Variants in PACS1 observed in about 807,000 individuals in gnomAD.
PACS1 encodes the protein PACS-1.
A neutral mutation model predicts 115.0 loss-of-function variants in PACS1; 24 were observed. That is an observed-to-expected ratio of 0.21 (90% CI 0.15 to 0.29). PACS1 has a LOEUF of 0.29. Ranked by LOEUF, PACS1 falls within the 10% of genes least tolerant of loss-of-function variation. The pLI is 1.00. For missense variants in PACS1, 838 were observed against 1,251.2 expected (o/e 0.67, Z 4.98); for synonymous variants, 453 against 504.5 (o/e 0.90, Z 1.37).
chr11:66,090,005 C>CAAAAAAAAA (rs33912143), intron 1 of PACS1, among the ~76,000 whole-genome samples: 19 of 80,494 alleles, frequency 2.4e-4, no homozygotes, highest in African/African-American at 4.6e-4. Context: ...GACTCCATCT[C>CAAAAAAAAA]AAAAAAAAAA....
chr11:66,070,597 G>C lies in PACS1; in HGVS notation c.111G>C (p.Gln37His). Residue 37 changes from glutamine (Q) to histidine (H), a missense_variant, in exon 1 of 24, where the codon CAG becomes CAC. Transcript: ENST00000320580. The surrounding 1 kb of genome is among the most constrained non-coding windows in gnomAD (Gnocchi z 5.9). ...CTCAGCAGCCGCCGCCGCAGCAGCA[G>C]CAGCAGCAGCCGCCGCAGCAGCCGA... ...QSPQQPPPQQ[Q>H]QQQPPQQPTP... 5 of 1,515,110 alleles carry C rather than the reference G, an allele frequency of 3.3e-6. No homozygotes were observed. The highest frequency in any genetic ancestry group is 4.4e-6 in the Non-Finnish European group (5 of 1,140,234). 93.9% of individuals were successfully genotyped at this position (1,515,110 alleles called of 1,614,324 possible).
intron 4 of PACS1, among the ~76,000 whole-genome samples, chr11:66,215,345 G>A (rs890250031): frequency 1.3e-5 from 2 of 149,810 alleles, no homozygotes; most frequent in Non-Finnish European, 3.0e-5. Context: ...GCTCACGCCT[G>A]TAATCCCAGC....
At chr11:66,104,068 C>T (rs746794289) in intron 1 of PACS1, among the ~76,000 whole-genome samples, 3 of 152,008 alleles carry the variant, frequency 2.0e-5, no homozygotes, top group Non-Finnish European at 4.4e-5. Flanking sequence ...CATTATCTCT[C>T]CTAAAATAAT....
At chr11:66,243,106 G>A in intron 23 of PACS1, 59 bp from the exon 24 acceptor site, 1 of 1,611,382 alleles carries the variant, frequency 6.2e-7, no homozygotes, top group Non-Finnish European at 8.5e-7. Context: ...CCTTTCCCAA[G>A]GGGCCCTGGG....
In PACS1 at chr11:66,243,314, C is replaced by A; in HGVS notation, c.*34C>A. ...CTCCCAGCCACTTTCCCTCCTGGCA[C>A]TGCCACCAGCCTCACCGCCTGCGGG... On this transcript the variant is annotated 3_prime_UTR_variant, in exon 24 of 24. Coordinates refer to ENST00000320580, the MANE Select transcript of PACS1 (RefSeq NM_018026.4). 7.0e-7 allele frequency: 1 copy of A among 1,428,146 alleles called. No individual in the cohort carries two copies. The highest frequency in any genetic ancestry group is 9.6e-7 in the Non-Finnish European group (1 of 1,037,490). 88.5% of individuals were successfully genotyped at this position (1,428,146 alleles called of 1,614,324 possible).
At chr11:66,214,172 T>C (rs1855144154) in intron 4 of PACS1, among the ~76,000 whole-genome samples, 2 of 152,148 alleles carry the variant, frequency 1.3e-5, no homozygotes, top group African/African-American at 4.8e-5. Context: ...TTTAAAATTA[T>C]TTCTGTACTT....
At chr11:66,120,375 G>C (rs1246599161) in intron 1 of PACS1, among the ~76,000 whole-genome samples, 1 of 152,096 alleles carries the variant, frequency 6.6e-6, no homozygotes, top group Non-Finnish European at 1.5e-5. Flanking sequence ...AGGGTTACAG[G>C]CGTGAGCCAC....
intron 2 of PACS1, among the ~76,000 whole-genome samples, chr11:66,200,313 T>C (rs1436584480): frequency 2.6e-5 from 4 of 152,142 alleles, no homozygotes; most frequent in African/African-American, 7.2e-5. Context: ...ATTGTGCCAG[T>C]ACACTCCACC....
At chr11:66,157,888 C>T (rs1859397289) in intron 1 of PACS1, among the ~76,000 whole-genome samples, 2 of 151,586 alleles carry the variant, frequency 1.3e-5, no homozygotes, top group Non-Finnish European at 2.9e-5. Flanking sequence ...ATTTCCTTAT[C>T]CCATCACATG....
At chr11:66,202,026 G>A (rs893498315) in intron 2 of PACS1, among the ~76,000 whole-genome samples, 1 of 151,982 alleles carries the variant, frequency 6.6e-6, no homozygotes, top group African/African-American at 2.4e-5. Flanking sequence ...AAAGAGAGAA[G>A]ACACAAATAA....
chr11:66,086,473 T>C (rs1454335528), intron 1 of PACS1, among the ~76,000 whole-genome samples: 1 of 152,140 alleles, frequency 6.6e-6, no homozygotes, highest in Admixed American at 6.5e-5. Flanking sequence ...GAGATAGTTA[T>C]AAACTGCTTT....
intron 1 of PACS1, among the ~76,000 whole-genome samples, chr11:66,145,855 G>A (rs1859109733): frequency 6.6e-6 from 1 of 151,878 alleles, no homozygotes; most frequent in African/African-American, 2.4e-5. Context: ...CAGCAAGTCA[G>A]GCTTAAAAAT....
At chr11:66,215,373 C>G (rs1198315110) in intron 4 of PACS1, among the ~76,000 whole-genome samples, 8 of 151,904 alleles carry the variant, frequency 5.3e-5, no homozygotes. Flanking sequence ...GAGGCCAAGG[C>G]AGGAGGATTG....
At chr11:66,099,203 C>T (rs1004728102) in intron 1 of PACS1, among the ~76,000 whole-genome samples, 7 of 151,792 alleles carry the variant, frequency 4.6e-5, no homozygotes, top group African/African-American at 1.2e-4. Context: ...GACACCACAC[C>T]GGGCTAATAG....
intron 1 of PACS1, among the ~76,000 whole-genome samples, chr11:66,187,367 A>G (rs191539666): frequency 4.0e-4 from 61 of 152,238 alleles, no homozygotes; most frequent in Non-Finnish European, 4.0e-4. Context: ...TAATATTATT[A>G]TTAACTGTAG....
intron 1 of PACS1, among the ~76,000 whole-genome samples, chr11:66,154,831 G>C (rs1356202421): frequency 1.3e-5 from 2 of 152,114 alleles, no homozygotes; most frequent in African/African-American, 4.8e-5. Context: ...TTGAAAAGCT[G>C]GTTCTAGAAT....
In PACS1 at chr11:66,208,682, AAAAG is replaced by A. The variant is rs1344914404; in HGVS notation, c.445-1671_445-1668del. ...TTAAAAAAAAAAAAAAAGAAGAAGA[AAAAG>A]AAAGAAAGGAAGGAAGGAAAGAAAG... On this transcript the variant is annotated intron_variant, in intron 2 of 23. Coordinates refer to ENST00000320580, the MANE Select transcript of PACS1 (RefSeq NM_018026.4). 9.0e-4 allele frequency among the ~76,000 whole-genome samples: 106 copies of A among 118,078 alleles called. 1 individual carries two copies. Among genetic ancestry groups the A allele is most frequent in the South Asian group, 4.4e-3 (17 of 3,880 alleles). 77.5% of individuals were successfully genotyped at this position (118,078 alleles called of 152,430 possible).
chr11:66,072,081 C>G (rs1435801553), intron 1 of PACS1, among the ~76,000 whole-genome samples: 1 of 152,170 alleles, frequency 6.6e-6, no homozygotes, highest in Admixed American at 6.5e-5. Context: ...AGTTTTACTA[C>G]ATAATGCATC....
intron 1 of PACS1, among the ~76,000 whole-genome samples, chr11:66,072,731 C>CA (rs977123228): frequency 6.6e-6 from 1 of 152,194 alleles, no homozygotes; most frequent in Admixed American, 6.5e-5. Context: ...CACATAGAAA[C>CA]ACTGTGTTCC....
Sources: gnomAD v4.1 joint callset for allele counts (sites outside exome capture counted in the v4.1 genomes callset) on GRCh38, gnomAD v4.1.1 for gene constraint, Gnocchi (gnomAD v3.1) non-coding constraint, MANE v1.5 for transcripts, NCBI Gene and HGNC (gene_info 2026-07-23, HGNC 2026-07-21) for gene names.